The following ASZ1 variants were observed in gnomAD, a reference collection of about 807,000 sequenced individuals.
The protein encoded by ASZ1 is ankyrin repeat, SAM and basic leucine zipper domain containing 1.
In ASZ1, 67 loss-of-function variants were observed where a neutral mutation model predicts 61.8. That is an observed-to-expected ratio of 1.08 (90% CI 0.89 to 1.33). The LOEUF (loss-of-function observed/expected upper bound fraction) is 1.33. Ranked by LOEUF, ASZ1 falls within the 40% of genes most tolerant of loss-of-function variation. The pLI is 0.00. For missense variants in ASZ1, 577 were observed against 554.5 expected (o/e 1.04, Z -0.41); for synonymous variants, 193 against 192.7 (o/e 1.00, Z -0.01).
chr7:117,395,612 A>G (rs951082960), intron 4 of ASZ1, among the ~76,000 whole-genome samples: 1 of 152,022 alleles, frequency 6.6e-6, no homozygotes, highest in African/African-American at 2.4e-5. Flanking sequence ...TTGTAATCTC[A>G]AGCTTTTCGT....
intron 4 of ASZ1, among the ~76,000 whole-genome samples, chr7:117,411,763 A>G (rs1190433489): frequency 1.3e-5 from 2 of 151,806 alleles, no homozygotes; most frequent in Non-Finnish European, 3.0e-5. Flanking sequence ...ATCCCCTACT[A>G]TAAGAATGAA....
chr7:117,426,471 A>G (rs1355369866), intron 2 of ASZ1, among the ~76,000 whole-genome samples: 3 of 143,016 alleles, frequency 2.1e-5, no homozygotes, highest in Non-Finnish European at 4.6e-5. Context: ...CCTGGGCCAC[A>G]GAGCAAGATA....
chr7:117,394,528 T>C (rs913000649), intron 4 of ASZ1, among the ~76,000 whole-genome samples: 4 of 152,216 alleles, frequency 2.6e-5, no homozygotes, highest in Admixed American at 6.5e-5. Context: ...TATATATTTA[T>C]CTATTTGTAT....
intron 4 of ASZ1, among the ~76,000 whole-genome samples, chr7:117,415,791 T>C (rs144869822): frequency 6.6e-6 from 1 of 152,306 alleles, no homozygotes; most frequent in East Asian, 1.9e-4. Context: ...TATTCAGTGA[T>C]ATTAACGTTT....
At chr7:117,377,010 C>G (rs1306744330) in intron 10 of ASZ1, among the ~76,000 whole-genome samples, 1 of 152,030 alleles carries the variant, frequency 6.6e-6, no homozygotes, top group Non-Finnish European at 1.5e-5. Context: ...ACATGATTAT[C>G]TACATAGAAA....
intron 4 of ASZ1, among the ~76,000 whole-genome samples, chr7:117,398,152 C>T (rs1171746678): frequency 6.6e-6 from 1 of 152,192 alleles, no homozygotes; most frequent in East Asian, 1.9e-4. Context: ...TAAAACACTC[C>T]TATCCTATGG....
intron 12 of ASZ1, among the ~76,000 whole-genome samples, chr7:117,365,931 A>G (rs1795928246): frequency 6.6e-6 from 1 of 152,232 alleles, no homozygotes; most frequent in African/African-American, 2.4e-5. Flanking sequence ...ATTATTTTGT[A>G]TAATAGAATT....
chr7:117,403,907 G>A (rs557114202), intron 4 of ASZ1, among the ~76,000 whole-genome samples: 4 of 152,246 alleles, frequency 2.6e-5, no homozygotes, highest in Admixed American at 6.5e-5. Flanking sequence ...ATAGGAGTAC[G>A]AACCCTATTG....
chr7:117,364,370 C>T (rs1239863284), intron 12 of ASZ1, among the ~76,000 whole-genome samples: 1 of 150,954 alleles, frequency 6.6e-6, no homozygotes, highest in Non-Finnish European at 1.5e-5. Flanking sequence ...GTGTGTGTGC[C>T]CACTCTGTGT....
chr7:117,427,215 T>C, intron 1 of ASZ1, 141 bp downstream of exon 1: 1 of 1,042,074 alleles, frequency 9.6e-7, no homozygotes, highest in Non-Finnish European at 1.4e-6. Context: ...CGGGTTTGCT[T>C]AAGTACAAAC....
At chr7:117,426,305 C>T (rs1174154657) in intron 2 of ASZ1, among the ~76,000 whole-genome samples, 1 of 147,428 alleles carries the variant, frequency 6.8e-6, no homozygotes, top group Non-Finnish European at 1.5e-5. Flanking sequence ...CACGGTGAAA[C>T]CCTCTCTCTA....
At chr7:117,408,104 T>C (rs1026150285) in intron 4 of ASZ1, among the ~76,000 whole-genome samples, 2 of 152,150 alleles carry the variant, frequency 1.3e-5, no homozygotes, top group Non-Finnish European at 2.9e-5. Flanking sequence ...TCATTCGCCA[T>C]TGGTAATTAG....
In ASZ1 at chr7:117,379,974, A is replaced by C. The variant is rs946268006; in HGVS notation, c.1019T>G (p.Phe340Cys). ...LKELQVEEIQ[F>C]GELSEETKLE... ...CTTTGTCTCTTCAGATAGCTCTCCAAATTGTATCTCTTCTACCTGTAGTTC... is the reference window on the plus strand; with the variant it reads ...CTTTGTCTCTTCAGATAGCTCTCCACATTGTATCTCTTCTACCTGTAGTTC... Residue 340 changes from phenylalanine to cysteine, a missense_variant, in exon 10 of 13, where the codon TTT (phenylalanine) becomes TGT (cysteine). Physicochemically the swap from Phe to Cys is radical, Grantham distance 205. Coordinates refer to ENST00000284629, the MANE Select transcript of ASZ1 (RefSeq NM_130768.3). 1.9e-6 allele frequency: 3 copies of C among 1,606,568 alleles called. No individual in the cohort carries two copies. In the Admixed American group the frequency reaches 5.0e-5, roughly 27 times the overall value.
At chr7:117,365,752 G>A (rs539396454) in intron 12 of ASZ1, among the ~76,000 whole-genome samples, 1 of 152,340 alleles carries the variant, frequency 6.6e-6, no homozygotes, top group South Asian at 2.1e-4. Context: ...TGTAGCTTGT[G>A]TAGCACAGGT....
chr7:117,383,269 A>T (rs935543694), intron 6 of ASZ1, among the ~76,000 whole-genome samples, 159 bp from the exon 7 acceptor site: 2 of 152,022 alleles, frequency 1.3e-5, no homozygotes, highest in African/African-American at 2.4e-5. Context: ...AACAACTTTT[A>T]AAAAAATGAT....
At chr7:117,426,506 A>AAG (rs1797217998) in intron 2 of ASZ1, among the ~76,000 whole-genome samples, 1 of 149,758 alleles carries the variant, frequency 6.7e-6, no homozygotes, top group South Asian at 2.1e-4. Context: ...AAAAAAAAAA[A>AAG]AAAAGAAAAA....
intron 4 of ASZ1, among the ~76,000 whole-genome samples, chr7:117,419,216 A>G (rs1031801360): frequency 5.9e-5 from 9 of 152,176 alleles, no homozygotes; most frequent in African/African-American, 1.9e-4. Flanking sequence ...ACAATCAAAA[A>G]TGTCTCTAGA....
intron 10 of ASZ1, among the ~76,000 whole-genome samples, chr7:117,373,149 G>T (rs1796078912): frequency 6.6e-6 from 1 of 152,060 alleles, no homozygotes; most frequent in Non-Finnish European, 1.5e-5. Flanking sequence ...GTCTAAACAG[G>T]AACAGTTAAA....
At chr7:117,417,357 A>T in intron 4 of ASZ1, among the ~76,000 whole-genome samples, 1 of 152,224 alleles carries the variant, frequency 6.6e-6, no homozygotes, top group East Asian at 1.9e-4. Context: ...AAAAAAGGCT[A>T]CATCAACAGC....
Sources: allele counts gnomAD v4.1 joint callset (sites outside exome capture counted in the v4.1 genomes callset), GRCh38; gene constraint gnomAD v4.1.1; transcripts MANE v1.5; gene names NCBI Gene and HGNC (gene_info 2026-07-23, HGNC 2026-07-21).